Variants in RASA3 observed in about 807,000 individuals in gnomAD.
The protein encoded by RASA3 is ras GTPase-activating protein 3.
Under a neutral mutation model 110.0 loss-of-function variants are expected in RASA3, and 73 were observed. The observed-to-expected ratio is 0.66, with a 90% confidence interval of 0.55 to 0.81. The LOEUF is 0.81. Among genes scored for constraint, RASA3 ranks in the 30% least tolerant of loss-of-function variants. The pLI is 0.00. For synonymous variants in RASA3, 500 were observed against 451.4 expected (o/e 1.11, Z -1.37); for missense variants, 976 against 1,113.2 (o/e 0.88, Z 1.75).
At position 114,065,239 on chromosome 13, in the gene RASA3, G is replaced by A. The variant is rs952682817; in HGVS notation, c.173+8481C>T. On this transcript the variant is annotated intron_variant, in intron 2 of 23. Coordinates refer to ENST00000334062, the MANE Select transcript of RASA3 (RefSeq NM_007368.4). This position sits in a 1 kb window ranked among gnomAD's most constrained non-coding sequence, Gnocchi z 4.1. ...TTCCCAGCATCTGCGCAAGGCTGGC[G>A]CTGCCCCATCCCGCCTGCGGCTGCT... Among the ~76,000 whole-genome samples, 5 of 152,182 alleles carry A rather than the reference G, an allele frequency of 3.3e-5. No homozygotes were observed. The highest frequency in any genetic ancestry group is 6.5e-5 in the Admixed American group (1 of 15,286).
chr13:114,102,828 G>A (rs1038668798), intron 1 of RASA3, among the ~76,000 whole-genome samples: 2 of 152,200 alleles, frequency 1.3e-5, no homozygotes, highest in Non-Finnish European at 2.9e-5. Flanking sequence ...CTGGAGTCCT[G>A]TGGGCTGGGG....
chr13:114,040,956 G>T (rs1167048824), intron 4 of RASA3, 44 bp downstream of exon 4: 1 of 1,585,230 alleles, frequency 6.3e-7, no homozygotes, highest in Non-Finnish European at 8.6e-7. Flanking sequence ...AAGCCCCATG[G>T]TGTCCCAGGG....
chr13:114,124,436 C>A (rs1350961149), intron 1 of RASA3, among the ~76,000 whole-genome samples: 1 of 152,260 alleles, frequency 6.6e-6, no homozygotes, highest in Non-Finnish European at 1.5e-5. Flanking sequence ...AAACTCACTT[C>A]CGGGGATCCA....
rs1164290559 is a variant in RASA3 at position 114,036,943 on chromosome 13, T to A, written c.372+4057A>T. Among the ~76,000 whole-genome samples the A allele has an allele frequency of 3.3e-5, 5 of 152,316 alleles. No individual in the cohort carries two copies. In the South Asian group the frequency reaches 8.3e-4, roughly 25 times the overall value. ...CTGACTGCATCAGTGAAGCAACGCA[T>A]TGGAGAGCAGCGGGCATTGGAGAGC... On this transcript the variant is annotated intron_variant, in intron 4 of 23. Transcript: ENST00000334062.
chr13:114,017,103 TC>T, intron 12 of RASA3, 133 bp downstream of exon 12: 1 of 743,946 alleles, frequency 1.3e-6, no homozygotes, highest in Admixed American at 1.9e-5. Context: ...TGAATCAGCA[TC>T]CCCGTGGCGA....
chr13:113,994,212 A>G (rs1185319602), intron 21 of RASA3, among the ~76,000 whole-genome samples: 1 of 152,232 alleles, frequency 6.6e-6, no homozygotes, highest in African/African-American at 2.4e-5. Flanking sequence ...GGTTTCTGCT[A>G]ATGAACTGAT....
At chr13:113,984,683 A>G (rs1381486903) in intron 22 of RASA3, among the ~76,000 whole-genome samples, 1 of 89,048 alleles carries the variant, frequency 1.1e-5, no homozygotes, top group Non-Finnish European at 2.5e-5. Flanking sequence ...CCCATCACTC[A>G]TCCATCTGTC....
chr13:114,054,885 C>T (rs2079212084), intron 2 of RASA3, among the ~76,000 whole-genome samples: 1 of 152,244 alleles, frequency 6.6e-6, no homozygotes, highest in South Asian at 2.1e-4. Context: ...TCTCCTGCGT[C>T]TGCGTGGGCA....
At chr13:114,109,322 GC>G (rs1389800292) in intron 1 of RASA3, among the ~76,000 whole-genome samples, 12 of 152,126 alleles carry the variant, frequency 7.9e-5, no homozygotes, top group Admixed American at 3.3e-4. Flanking sequence ...AGGCACTGAG[GC>G]CTTCCTCGAA....
At chr13:114,064,824 C>T (rs918495175) in intron 2 of RASA3, among the ~76,000 whole-genome samples, 4 of 152,232 alleles carry the variant, frequency 2.6e-5, no homozygotes, top group Non-Finnish European at 4.4e-5. Context: ...CTGGCCCAGG[C>T]GGCCCCCACT....
chr13:114,018,307 C>T (rs1414080163), intron 10 of RASA3, 55 bp from the exon 11 acceptor site: 3 of 1,503,956 alleles, frequency 2.0e-6, no homozygotes, highest in Non-Finnish European at 1.8e-6. Context: ...ACCCCAGAGG[C>T]CTGTCCCCAC....
At position 114,079,375 on chromosome 13, in the gene RASA3, G is replaced by A. The variant is rs192087401; in HGVS notation, c.56-5538C>T. ...GCAATAAAGCCCAGGGCCTGTTGGG[G>A]AAGGAGACCCTGCGGGAGAATTGGA... is the stretch of plus-strand genomic sequence containing the variant. On this transcript the variant is annotated intron_variant, in intron 1 of 23. Coordinates refer to ENST00000334062, the MANE Select transcript of RASA3 (RefSeq NM_007368.4). 3.9e-3 allele frequency among the ~76,000 whole-genome samples: 587 copies of A among 152,358 alleles called. 7 individuals carry two copies. The highest frequency in any genetic ancestry group is 0.014 in the African/African-American group (562 of 41,588).
chr13:114,092,733 T>C (rs1473284632), intron 1 of RASA3, among the ~76,000 whole-genome samples: 1 of 152,216 alleles, frequency 6.6e-6, no homozygotes, highest in African/African-American at 2.4e-5. Context: ...TCTGCCTGGA[T>C]GACCTTCCCG....
chr13:113,979,106 G>A lies in RASA3; in HGVS notation c.*241C>T. 1.8e-6 allele frequency: 1 copy of A among 540,922 alleles called. No individual in the cohort carries two copies. Among genetic ancestry groups the A allele is most frequent in the East Asian group, 3.1e-5 (1 of 32,388 alleles). 33.5% of individuals were successfully genotyped at this position (540,922 alleles called of 1,614,324 possible). A position where few individuals can be genotyped will look rare whatever the true frequency, so the allele number is the denominator to read the frequency against. The stretch of plus-strand genomic sequence containing the variant: ...TGATCCCCAGATCCCCACAAACAAG[G>A]AGCAAAAAGCACAGAATCAAATGAC... On this transcript the variant is annotated 3_prime_UTR_variant, in exon 24 of 24. Transcript: ENST00000334062.
chr13:114,041,103 C>A lies in RASA3; in HGVS notation c.278-9G>T. 2.5e-6 allele frequency: 4 copies of A among 1,612,144 alleles called. No homozygotes were observed. The highest frequency in any genetic ancestry group is 3.4e-6 in the Non-Finnish European group (4 of 1,178,634). On this transcript the variant is annotated splice_polypyrimidine_tract_variant and intron_variant, in intron 3 of 23. Transcript: ENST00000334062. ...CTGGATGGCCACCTTCCCTGCAACA[C>A]AAGCAGAGAAGACTTCACCACGGGC...
chr13:114,024,219 A>T, intron 8 of RASA3, 60 bp downstream of exon 8: 2 of 1,452,530 alleles, frequency 1.4e-6, no homozygotes, highest in Non-Finnish European at 1.9e-6. Context: ...AAAGAACAAA[A>T]GAGCTGAGGA....
In RASA3 at chr13:114,109,837, G is replaced by T. The variant is rs372002163; in HGVS notation, c.55+22598C>A. ...CAGGCGACTGGGTCTCTTTGACCGG[G>T]GGTGGCCTCGCGGCGGCACGAGACT... On this transcript the variant is annotated intron_variant, in intron 1 of 23. Transcript: ENST00000334062. 2.0e-5 allele frequency among the ~76,000 whole-genome samples: 3 copies of T among 152,232 alleles called. No homozygotes were observed. In the East Asian group the frequency reaches 5.8e-4, roughly 29 times the overall value.
At chr13:114,089,666 C>T (rs1020729055) in intron 1 of RASA3, among the ~76,000 whole-genome samples, 2 of 152,324 alleles carry the variant, frequency 1.3e-5, no homozygotes, top group Non-Finnish European at 2.9e-5. Flanking sequence ...CAGGTGTTCA[C>T]GGCACGTGTG....
chr13:114,113,130 G>C (rs2080239802), intron 1 of RASA3, among the ~76,000 whole-genome samples: 1 of 152,204 alleles, frequency 6.6e-6, no homozygotes, highest in Non-Finnish European at 1.5e-5. Flanking sequence ...GCCAAGTCCA[G>C]AGCCCAACAG....
Sources: gnomAD v4.1 joint callset for allele counts (sites outside exome capture counted in the v4.1 genomes callset) on GRCh38, gnomAD v4.1.1 for gene constraint, Gnocchi (gnomAD v3.1) non-coding constraint, MANE v1.5 for transcripts, NCBI Gene and HGNC (gene_info 2026-07-23, HGNC 2026-07-21) for gene names.